The following SYN3 variants were observed in gnomAD, a reference collection of about 807,000 sequenced individuals.
The protein encoded by SYN3 is synapsin III, also known as synapsin-3.
A neutral mutation model predicts 65.8 loss-of-function variants in SYN3; 35 were observed. That is an observed-to-expected ratio of 0.53 (90% confidence interval 0.41 to 0.70). SYN3 has a LOEUF of 0.70. Among genes scored for constraint, SYN3 ranks in the 30% least tolerant of loss-of-function variants. The pLI is 0.00. For synonymous variants in SYN3, 270 were observed against 292.9 expected (o/e 0.92, Z 0.80); for missense variants, 680 against 749.0 (o/e 0.91, Z 1.08).
intron 1 of SYN3, among the ~76,000 whole-genome samples, chr22:33,049,391 G>C (rs1482764548): frequency 6.6e-6 from 1 of 152,186 alleles, no homozygotes; most frequent in East Asian, 1.9e-4. Context: ...CACTGCTGCA[G>C]CTAGCTTTGC....
rs5754246 is a variant in SYN3, at chr22:32,748,312, C to T, written c.711+116603G>A. On this transcript the variant is annotated intron_variant, in intron 6 of 13. Transcript: ENST00000358763. The stretch of plus-strand genomic sequence containing the variant: ...AAAGAGCATGGGATTTGGGGTCAGA[C>T]AGATCTGGTTTCAAATGCTGGTTCT... 3.9e-5 allele frequency among the ~76,000 whole-genome samples: 6 copies of T among 152,036 alleles called. No homozygotes were observed. The South Asian group carries it at 1.2e-3, about 32-fold the overall frequency.
At chr22:32,857,293 T>A (rs9862) in intron 6 of SYN3, 6 of 1,613,694 alleles carry the variant, frequency 3.7e-6, no homozygotes. Context: ...AGTACATCCA[T>A]ACGGAAGCTT....
intron 4 of SYN3, among the ~76,000 whole-genome samples, chr22:32,878,474 C>A (rs1360439522): frequency 6.6e-6 from 1 of 152,170 alleles, no homozygotes; most frequent in Non-Finnish European, 1.5e-5. Context: ...ACAAGTCCTT[C>A]ATCTTATTCC....
chr22:32,843,647 C>A (rs919200268), intron 6 of SYN3, among the ~76,000 whole-genome samples: 1 of 152,152 alleles, frequency 6.6e-6, no homozygotes, highest in African/African-American at 2.4e-5. Context: ...GGTAGGGCAT[C>A]ATTCCAACAC....
chr22:32,820,353 C>CGTGTGTGTGT (rs35230068), intron 6 of SYN3, among the ~76,000 whole-genome samples: 7 of 141,782 alleles, frequency 4.9e-5, no homozygotes, highest in East Asian at 2.1e-4. Flanking sequence ...CATTCCACTG[C>CGTGTGTGTGT]GTGTGTGTGT....
intron 13 of SYN3, among the ~76,000 whole-genome samples, chr22:32,515,483 T>C (rs981732942): frequency 6.6e-6 from 1 of 152,222 alleles, no homozygotes; most frequent in Non-Finnish European, 1.5e-5. Flanking sequence ...GAGCTAGGAT[T>C]TGAACCCAGG....
At chr22:32,752,540 C>A (rs1036277755) in intron 6 of SYN3, among the ~76,000 whole-genome samples, 5 of 152,234 alleles carry the variant, frequency 3.3e-5, no homozygotes, top group African/African-American at 9.6e-5. Flanking sequence ...ACAATGACTG[C>A]TTCTGCTACT....
chr22:32,814,280 GGA>G (rs140839089), intron 6 of SYN3, among the ~76,000 whole-genome samples: 8,084 of 32,954 alleles, frequency 0.25, 275 homozygotes, highest in Middle Eastern at 0.35. Flanking sequence ...AGGGAGAGAG[GGA>G]GAGAGGGAAG....
intron 6 of SYN3, among the ~76,000 whole-genome samples, chr22:32,695,508 T>C (rs1482943785): frequency 2.0e-5 from 3 of 152,232 alleles, no homozygotes; most frequent in Admixed American, 6.5e-5. Flanking sequence ...TGCTCTTCCC[T>C]GGGGACACAT....
chr22:32,844,800 T>A (rs1467396525), intron 6 of SYN3, among the ~76,000 whole-genome samples: 2 of 151,934 alleles, frequency 1.3e-5, no homozygotes, highest in Non-Finnish European at 2.9e-5. Flanking sequence ...AGCCTCGAAC[T>A]CCTGGGCTCA....
intron 4 of SYN3, among the ~76,000 whole-genome samples, chr22:32,926,708 T>C (rs570287787): frequency 1.4e-4 from 21 of 152,364 alleles, no homozygotes; most frequent in African/African-American, 5.1e-4. Context: ...CACTGATAAC[T>C]CTTCTCTTTA....
At chr22:32,898,338 T>C (rs1021900399) in intron 4 of SYN3, among the ~76,000 whole-genome samples, 3 of 152,170 alleles carry the variant, frequency 2.0e-5, no homozygotes, top group Non-Finnish European at 2.9e-5. Context: ...TTCACTATGT[T>C]GCCCAGGCTT....
chr22:32,787,913 T>C (rs561405064), intron 6 of SYN3, among the ~76,000 whole-genome samples: 1 of 152,148 alleles, frequency 6.6e-6, no homozygotes, highest in East Asian at 1.9e-4. Flanking sequence ...AGGGCAGTCC[T>C]GGAGCTGGGA....
chr22:32,610,047 C>A (rs1207147311), intron 6 of SYN3, among the ~76,000 whole-genome samples: 1 of 152,104 alleles, frequency 6.6e-6, no homozygotes, highest in African/African-American at 2.4e-5. Context: ...CTTTGGGAGG[C>A]CGAGGCAGGC....
At chr22:32,552,150 G>A (rs372352725) in intron 7 of SYN3, among the ~76,000 whole-genome samples, 21 of 152,346 alleles carry the variant, frequency 1.4e-4, no homozygotes, top group African/African-American at 5.0e-4. Context: ...GGAGGTTGAG[G>A]CGGAAGAATC....
intron 3 of SYN3, among the ~76,000 whole-genome samples, chr22:32,957,650 C>T (rs1449879693): frequency 5.3e-5 from 8 of 152,096 alleles, no homozygotes; most frequent in African/African-American, 1.7e-4. Context: ...TTTGCAAATC[C>T]CCATAGGCTT....
rs182993601 is a variant in SYN3, at chr22:32,588,627, T to G, written c.774+8047A>C. On this transcript the variant is annotated intron_variant, in intron 7 of 13. Coordinates refer to ENST00000358763, the MANE Select transcript of SYN3 (RefSeq NM_003490.4). ...ATTACAACCCTGGGAGGGAGATTATTGTCCCTGTGTTAGAGATGAGGAAAT... is the reference window on the plus strand; with the variant it reads ...ATTACAACCCTGGGAGGGAGATTATGGTCCCTGTGTTAGAGATGAGGAAAT... Among the ~76,000 whole-genome samples the G allele has an allele frequency of 4.7e-3, 714 of 152,330 alleles. 3 individuals carry two copies. Among genetic ancestry groups the G allele is most frequent in the African/African-American group, 0.016 (645 of 41,574 alleles).
chr22:32,787,965 A>T (rs779516279), intron 6 of SYN3, among the ~76,000 whole-genome samples: 1 of 152,214 alleles, frequency 6.6e-6, no homozygotes, highest in African/African-American at 2.4e-5. Context: ...AGGTCAGTGT[A>T]GTGTAAACAC....
In SYN3 at chr22:33,015,840, C is replaced by CTTTTTT. The variant is rs758927603; in HGVS notation, c.-162-9017_-162-9016insAAAAAA. Among the ~76,000 whole-genome samples the CTTTTTT allele has an allele frequency of 5.7e-5, 8 of 139,984 alleles. 1 individual carries two copies. Among genetic ancestry groups the CTTTTTT allele is most frequent in the African/African-American group, 5.6e-5 (2 of 35,674 alleles). The allele number at this position is 139,984 out of a possible 152,430, so 91.8% of individuals were successfully genotyped here. A position where few individuals can be genotyped will look rare whatever the true frequency, so the allele number is the denominator to read the frequency against. ...ACTGAACATTTAATAGGCAAATTTT[C>CTTTTTT]TTTTCTTTTTTTTTTTTTTTAAGAC... On this transcript the variant is annotated intron_variant, in intron 1 of 13. Coordinates refer to ENST00000358763, the MANE Select transcript of SYN3 (RefSeq NM_003490.4).
Sources: gnomAD v4.1 joint callset for allele counts (sites outside exome capture counted in the v4.1 genomes callset) on GRCh38, gnomAD v4.1.1 for gene constraint, MANE v1.5 for transcripts, NCBI Gene and HGNC (gene_info 2026-07-23, HGNC 2026-07-21) for gene names.